CADM2: variants seen among roughly 807,000 people sequenced by gnomAD.
CADM2 encodes immunoglobulin superfamily member 4D.
Under a neutral mutation model 49.8 loss-of-function variants are expected in CADM2, and 12 were observed. The observed-to-expected ratio is 0.24, with a 90% CI of 0.15 to 0.39. The LOEUF is 0.39. CADM2 is among the 10% of genes least tolerant of loss of function. CADM2 has a pLI of 1.00. For missense variants in CADM2, 378 were observed against 492.3 expected (o/e 0.77, Z 2.20); for synonymous variants, 214 against 175.4 (o/e 1.22, Z -1.74).
chr3:86,001,090 T>G (rs565748945), intron 8 of CADM2, among the ~76,000 whole-genome samples: 1 of 152,266 alleles, frequency 6.6e-6, no homozygotes, highest in East Asian at 1.9e-4. Flanking sequence ...TCACAGTTTT[T>G]GTGATTGTTT....
rs559639374 is a variant in CADM2 at position 85,759,226 on chromosome 3, G to T, written c.88+32678G>T. On this transcript the variant is annotated intron_variant, in intron 2 of 9. Coordinates refer to ENST00000383699, the MANE Select transcript of CADM2 (RefSeq NM_001167675.2). Reference sequence around the variant, plus strand: ...GACATTGCTTGAGATCCTCTGCTATGGTTCTTTATTCCTGCCTAGTTCTCT... The same window carrying T: ...GACATTGCTTGAGATCCTCTGCTATTGTTCTTTATTCCTGCCTAGTTCTCT... Among the ~76,000 whole-genome samples the T allele has an allele frequency of 2.0e-5, 3 of 152,012 alleles. No homozygotes were observed. In the South Asian group the frequency reaches 6.2e-4, roughly 32 times the overall value.
chr3:85,107,705 T>C (rs1452665685), intron 1 of CADM2, among the ~76,000 whole-genome samples: 2 of 110,578 alleles, frequency 1.8e-5, no homozygotes, highest in Admixed American at 9.1e-5. Flanking sequence ...TTCTCTTTCT[T>C]TTTTTTTTTT....
chr3:85,393,300 G>T (rs185113229), intron 1 of CADM2, among the ~76,000 whole-genome samples: 1 of 152,238 alleles, frequency 6.6e-6, no homozygotes, highest in Non-Finnish European at 1.5e-5. Context: ...GGGAAAGGTG[G>T]TCCGGGAGAA....
rs145356309 is a variant in CADM2 at position 85,911,597 on chromosome 3, G to A, written c.530-776G>A. 1.2e-3 allele frequency among the ~76,000 whole-genome samples: 178 copies of A among 152,176 alleles called. 3 individuals are homozygous for A. Among genetic ancestry groups the A allele is most frequent in the African/African-American group, 4.2e-3 (176 of 41,532 alleles). ...ACTTTCTCATCCTAAGTATCCTTTA[G>A]CAATTTATGTTCACCTCACATTGTT... On this transcript the variant is annotated intron_variant, in intron 5 of 9. Coordinates refer to ENST00000383699, the MANE Select transcript of CADM2 (RefSeq NM_001167675.2).
intron 1 of CADM2, among the ~76,000 whole-genome samples, chr3:85,254,231 T>G (rs541662742): frequency 1.3e-5 from 2 of 152,184 alleles, no homozygotes; most frequent in African/African-American, 4.8e-5. Context: ...ATGGAAGAGA[T>G]GCATAGTTAA....
chr3:85,583,903 T>G (rs1275735908), intron 1 of CADM2, among the ~76,000 whole-genome samples: 1 of 152,034 alleles, frequency 6.6e-6, no homozygotes, highest in Admixed American at 6.6e-5. Context: ...ATTTGAAAAT[T>G]CCAACTATAG....
chr3:85,375,568 C>A (rs1206082005), intron 1 of CADM2, among the ~76,000 whole-genome samples: 2 of 152,162 alleles, frequency 1.3e-5, no homozygotes, highest in African/African-American at 2.4e-5. Context: ...TGTCTTCCTT[C>A]CCAGTAAAGA....
chr3:84,991,456 T>C (rs2032880755), intron 1 of CADM2, among the ~76,000 whole-genome samples: 1 of 152,170 alleles, frequency 6.6e-6, no homozygotes, highest in African/African-American at 2.4e-5. Flanking sequence ...TGCTCTCTAC[T>C]ATATCATAAA....
chr3:85,014,464 G>A (rs2034156050), intron 1 of CADM2, among the ~76,000 whole-genome samples: 1 of 150,448 alleles, frequency 6.6e-6, no homozygotes, highest in Non-Finnish European at 1.5e-5. Context: ...AAAAAACATA[G>A]TGTGCATAGG....
chr3:85,540,423 C>T (rs2061512369), intron 1 of CADM2, among the ~76,000 whole-genome samples: 1 of 152,046 alleles, frequency 6.6e-6, no homozygotes, highest in African/African-American at 2.4e-5. Flanking sequence ...CAAACAGATA[C>T]TTGGCATTTT....
intron 8 of CADM2, among the ~76,000 whole-genome samples, chr3:86,031,542 A>G (rs1734560352): frequency 6.6e-6 from 1 of 151,874 alleles, no homozygotes; most frequent in Admixed American, 6.6e-5. Context: ...TTAAAATTAA[A>G]GATGAACAAA....
intron 1 of CADM2, among the ~76,000 whole-genome samples, chr3:84,970,641 A>G (rs1295647032): frequency 6.6e-6 from 1 of 152,060 alleles, no homozygotes; most frequent in Non-Finnish European, 1.5e-5. Flanking sequence ...AGAAATATAT[A>G]TTCTGTAAAT....
intron 6 of CADM2, among the ~76,000 whole-genome samples, chr3:85,917,043 G>A (rs1228891262): frequency 1.3e-5 from 2 of 151,994 alleles, no homozygotes; most frequent in African/African-American, 4.8e-5. Flanking sequence ...ATTTGTTTGA[G>A]TTAATTATAG....
At chr3:85,622,867 T>TG (rs1576955753) in intron 1 of CADM2, among the ~76,000 whole-genome samples, 1 of 151,716 alleles carries the variant, frequency 6.6e-6, no homozygotes, top group Non-Finnish European at 1.5e-5. Context: ...TCTGCAAATT[T>TG]TTTTTGTTTT....
intron 1 of CADM2, among the ~76,000 whole-genome samples, chr3:85,484,423 C>T (rs1302216855): frequency 6.6e-6 from 1 of 151,858 alleles, no homozygotes; most frequent in Non-Finnish European, 1.5e-5. Flanking sequence ...GGAAATGTGG[C>T]AACACCTCAT....
At position 85,568,473 on chromosome 3, in the gene CADM2, C is replaced by CTTTCTCTCTTTCTT. The variant is rs1553743643; in HGVS notation, c.62-158048_62-158047insTTCTCTCTTTCTTT. Among the ~76,000 whole-genome samples, 16 of 27,610 alleles carry CTTTCTCTCTTTCTT rather than the reference C, an allele frequency of 5.8e-4. 1 individual carries two copies. Among genetic ancestry groups the CTTTCTCTCTTTCTT allele is most frequent in the African/African-American group, 1.2e-3 (16 of 12,926 alleles). 18.1% of individuals were successfully genotyped at this position (27,610 alleles called of 152,430 possible). ...TTTCTTTCTTTCTTTCTCTTTCTCT[C>CTTTCTCTCTTTCTT]TCTTTCTTTCTTTCTTTCTTTCTTT... On this transcript the variant is annotated intron_variant, in intron 1 of 9. Transcript: ENST00000383699.
chr3:85,480,041 G>GCA (rs922869272), intron 1 of CADM2, among the ~76,000 whole-genome samples: 18 of 151,762 alleles, frequency 1.2e-4, no homozygotes, highest in African/African-American at 4.1e-4. Context: ...AACTTTAAAA[G>GCA]TTACTTCTAA....
At position 85,828,344 on chromosome 3, in the gene CADM2, T is replaced by A. The variant is rs182750207; in HGVS notation, c.238+26148T>A. The stretch of plus-strand genomic sequence containing the variant: ...TAAGCATCTGTGTTCTAAACAAAAA[T>A]AGATTTTTAAAATAGGAATTTTAAA... On this transcript the variant is annotated intron_variant, in intron 3 of 9. Coordinates refer to ENST00000383699, the MANE Select transcript of CADM2 (RefSeq NM_001167675.2). Among the ~76,000 whole-genome samples, 20 of 152,000 alleles carry A rather than the reference T, an allele frequency of 1.3e-4. No homozygotes were observed. The East Asian group carries it at 3.5e-3, about 27-fold the overall frequency.
intron 1 of CADM2, among the ~76,000 whole-genome samples, chr3:85,255,955 CATT>C (rs1228843513): frequency 6.6e-6 from 1 of 151,942 alleles, no homozygotes; most frequent in African/African-American, 2.4e-5. Flanking sequence ...CAGCTTTTAA[CATT>C]TTTTTTTCCT....
Sources: allele counts gnomAD v4.1 joint callset (sites outside exome capture counted in the v4.1 genomes callset), GRCh38; gene constraint gnomAD v4.1.1; transcripts MANE v1.5; gene names NCBI Gene and HGNC (gene_info 2026-07-23, HGNC 2026-07-21).